Variants in DENND4C observed in about 807,000 individuals in gnomAD.
DENND4C encodes DENN domain-containing protein 4C.
DENND4C carries 108 observed loss-of-function variants against 203.0 expected under a neutral mutation model. The ratio of observed to expected loss-of-function variants is 0.53; its 90% CI spans 0.46 to 0.62. The LOEUF (loss-of-function observed/expected upper bound fraction) is 0.62, where lower values mean the gene tolerates loss of function less well. Ranked by LOEUF, DENND4C falls within the 20% of genes least tolerant of loss-of-function variation. The pLI is 0.00. For synonymous variants in DENND4C, 871 were observed against 792.4 expected, an observed-to-expected ratio of 1.10 and a Z score of -1.67; for missense variants, 2,481 against 2,301.2, an observed-to-expected ratio of 1.08 and a Z score of -1.60.
intron 30 of DENND4C, among the ~76,000 whole-genome samples, chr9:19,365,340 A>G (rs1468594823): frequency 6.6e-6 from 1 of 152,218 alleles, no homozygotes; most frequent in Non-Finnish European, 1.5e-5. Flanking sequence ...TCATTTGGCA[A>G]AATCCATCAC....
At chr9:19,307,725 A>G (rs1038974508) in intron 10 of DENND4C, among the ~76,000 whole-genome samples, 9 of 149,068 alleles carry the variant, frequency 6.0e-5, no homozygotes, top group African/African-American at 1.7e-4. Flanking sequence ...AGCGGAGATC[A>G]TGCCATTGCA....
chr9:19,359,567 A>G (rs1826038475), intron 28 of DENND4C, among the ~76,000 whole-genome samples: 1 of 151,708 alleles, frequency 6.6e-6, no homozygotes, highest in Non-Finnish European at 1.5e-5. Flanking sequence ...TATGTTATAT[A>G]CTTTCTTACC....
chr9:19,335,717 C>T (rs1248936596), intron 18 of DENND4C, among the ~76,000 whole-genome samples: 3 of 152,046 alleles, frequency 2.0e-5, no homozygotes, highest in Non-Finnish European at 4.4e-5. Flanking sequence ...AATAGTATCT[C>T]GTTGTGTATA....
intron 1 of DENND4C, among the ~76,000 whole-genome samples, chr9:19,269,254 C>T (rs557144451): frequency 3.9e-5 from 6 of 152,114 alleles, no homozygotes; most frequent in Non-Finnish European, 2.9e-5. Context: ...CCTCTGCTTC[C>T]GGGTTCAAGC....
Position 19,311,201 on chromosome 9 carries a change from G to GGGTT in DENND4C, c.1488-5216_1488-5215insGGTT, listed in dbSNP as rs1840669774. ...TAGAGTGGCCCAATCTTGGCTCACT[G>GGGTT]CAACCTCCACCTCCTGGGTTCAAGC... On this transcript the variant is annotated intron_variant, in intron 10 of 32. Transcript: ENST00000434457. Among the ~76,000 whole-genome samples, 4 of 152,164 alleles carry GGGTT rather than the reference G, an allele frequency of 2.6e-5. No homozygotes were observed. In the South Asian group the frequency reaches 8.3e-4, roughly 32 times the overall value.
chr9:19,357,384 A>C, intron 27 of DENND4C: 4 of 469,616 alleles, frequency 8.5e-6, no homozygotes, highest in East Asian at 3.6e-5. Context: ...TGAACTTCTC[A>C]ACAGTAAAAT....
intron 9 of DENND4C, among the ~76,000 whole-genome samples, chr9:19,301,371 G>C (rs1258750371): frequency 6.6e-6 from 1 of 152,102 alleles, no homozygotes; most frequent in Non-Finnish European, 1.5e-5. Context: ...CTAATCTCTT[G>C]TTTACTCCTG....
chr9:19,256,812 T>A (rs1295639559), intron 1 of DENND4C, among the ~76,000 whole-genome samples: 1 of 152,160 alleles, frequency 6.6e-6, no homozygotes, highest in East Asian at 1.9e-4. Flanking sequence ...GGCTCACGCC[T>A]GAAATCCCAG....
chr9:19,371,980 G>A, intron 32 of DENND4C, 57 bp from the exon 33 acceptor site: 2 of 1,554,310 alleles, frequency 1.3e-6, no homozygotes, highest in Admixed American at 1.9e-5. Flanking sequence ...AATTTGAAAT[G>A]AACGGCTGTT....
intron 8 of DENND4C, 120 bp from the exon 9 acceptor site, chr9:19,300,067 A>G (rs1198135313): frequency 9.8e-7 from 1 of 1,023,116 alleles, no homozygotes; most frequent in Non-Finnish European, 1.3e-6. Context: ...TCATTGATAA[A>G]TAAGTAAAGA....
At chr9:19,245,584 C>T (rs1458161033) in intron 1 of DENND4C, among the ~76,000 whole-genome samples, 5 of 151,612 alleles carry the variant, frequency 3.3e-5, no homozygotes, top group South Asian at 2.1e-4. Flanking sequence ...GGGCCGGGCG[C>T]GGTGGCTCAC....
At chr9:19,366,378 G>C (rs1827679109) in intron 30 of DENND4C, among the ~76,000 whole-genome samples, 1 of 152,190 alleles carries the variant, frequency 6.6e-6, no homozygotes, top group East Asian at 1.9e-4. Context: ...GAGGCGGGCG[G>C]ATCACGAGGT....
At chr9:19,272,830 T>G (rs1832013039) in intron 1 of DENND4C, among the ~76,000 whole-genome samples, 1 of 151,962 alleles carries the variant, frequency 6.6e-6, no homozygotes, top group Non-Finnish European at 1.5e-5. Flanking sequence ...CACAGTGGCG[T>G]GATCTTGGCT....
chr9:19,345,914 C>T lies in DENND4C; in HGVS notation c.3152-7C>T, dbSNP rs1409040021. On this transcript the variant is annotated splice_region_variant and splice_polypyrimidine_tract_variant and intron_variant, in intron 22 of 32. Coordinates refer to ENST00000434457, the MANE Select transcript of DENND4C (RefSeq NM_001330640.2). ...GTTCATTGTTAATATTTTACTTTCC[C>T]TTTTAGGTAGTATATCAAATGTGCT... is the stretch of plus-strand genomic sequence containing the variant. The T allele has an allele frequency of 1.3e-6, 2 of 1,593,646 alleles. No homozygotes were observed. Among genetic ancestry groups the T allele is most frequent in the Admixed American group, 3.6e-5 (2 of 56,248 alleles).
intron 1 of DENND4C, among the ~76,000 whole-genome samples, chr9:19,251,247 G>GA (rs1342742753): frequency 7.9e-5 from 12 of 152,228 alleles, no homozygotes; most frequent in Non-Finnish European, 1.6e-4. Context: ...AAGGCTTGGG[G>GA]CTTGCACCCT....
intron 1 of DENND4C, among the ~76,000 whole-genome samples, chr9:19,262,910 C>G (rs1324295329): frequency 6.6e-6 from 1 of 152,166 alleles, no homozygotes; most frequent in Non-Finnish European, 1.5e-5. Context: ...TAGTTCCTTT[C>G]CAATTTGGAT....
intron 2 of DENND4C, among the ~76,000 whole-genome samples, chr9:19,280,880 A>G (rs1833915293): frequency 1.3e-5 from 2 of 152,094 alleles, no homozygotes; most frequent in African/African-American, 2.4e-5. Flanking sequence ...AGCTGGGACT[A>G]CAGGCAAGCA....
At chr9:19,304,694 G>A (rs2131368195) in intron 9 of DENND4C, among the ~76,000 whole-genome samples, 1 of 150,552 alleles carries the variant, frequency 6.6e-6, no homozygotes, top group East Asian at 1.9e-4. Context: ...CCACCACCAC[G>A]TCTGGCTAAT....
chr9:19,338,446 T>C (rs1188118593), intron 20 of DENND4C, among the ~76,000 whole-genome samples: 3 of 152,146 alleles, frequency 2.0e-5, no homozygotes. Context: ...AAGACTTCAA[T>C]AGTTGGGCAC....
Sources: allele counts gnomAD v4.1 joint callset (sites outside exome capture counted in the v4.1 genomes callset), GRCh38; gene constraint gnomAD v4.1.1; transcripts MANE v1.5; gene names NCBI Gene and HGNC (gene_info 2026-07-23, HGNC 2026-07-21).